Variants in NSG2 observed in about 807,000 individuals in gnomAD.
The protein encoded by NSG2 is neuronal vesicle trafficking associated 2.
In NSG2, 4 loss-of-function variants were observed where a neutral mutation model predicts 16.9. The ratio of observed to expected loss-of-function variants is 0.24; its 90% confidence interval spans 0.12 to 0.54. The LOEUF is 0.54. Among genes scored for constraint, NSG2 ranks in the 20% least tolerant of loss-of-function variants. The probability of loss-of-function intolerance (pLI) is 0.95; values close to 1 mark genes in which losing one functional copy is unlikely to be tolerated. For synonymous variants in NSG2, 98 were observed against 88.7 expected, an observed-to-expected ratio of 1.11 and a Z score of -0.59; for missense variants, 179 against 221.1, an observed-to-expected ratio of 0.81 and a Z score of 1.21.
intron 3 of NSG2, among the ~76,000 whole-genome samples, chr5:174,100,727 T>G (rs1162265621): frequency 2.6e-5 from 4 of 152,240 alleles, no homozygotes; most frequent in African/African-American, 9.6e-5. Flanking sequence ...TATTTGGGAT[T>G]TCTTAACTCA....
chr5:174,104,107 T>C (rs893571729), intron 3 of NSG2, 121 bp from the exon 4 acceptor site: 5 of 691,742 alleles, frequency 7.2e-6, no homozygotes, highest in African/African-American at 7.0e-5. Flanking sequence ...AGCCAGTTCC[T>C]TGGGCCTGTC....
intron 3 of NSG2, among the ~76,000 whole-genome samples, chr5:174,099,012 A>T (rs918887573): frequency 2.0e-5 from 3 of 152,162 alleles, no homozygotes; most frequent in East Asian, 3.9e-4. Flanking sequence ...TCCGGCTTTC[A>T]TGTTCAGAGG....
At chr5:174,091,665 G>A (rs1007363153) in intron 3 of NSG2, among the ~76,000 whole-genome samples, 5 of 151,608 alleles carry the variant, frequency 3.3e-5, no homozygotes, top group Non-Finnish European at 4.4e-5. Flanking sequence ...GTGTGTGTGT[G>A]TGTGTGTGTG....
At chr5:174,084,312 A>G (rs1004312823) in intron 3 of NSG2, among the ~76,000 whole-genome samples, 1 of 152,240 alleles carries the variant, frequency 6.6e-6, no homozygotes, top group Non-Finnish European at 1.5e-5. Flanking sequence ...GGAAAGTGTA[A>G]TAAAGATAAG....
chr5:174,050,062 A>G (rs1244420941), intron 2 of NSG2, among the ~76,000 whole-genome samples: 2 of 152,026 alleles, frequency 1.3e-5, no homozygotes, highest in Non-Finnish European at 1.5e-5. Context: ...TAGTGTATAG[A>G]ATGGGGACGC....
chr5:174,101,645 A>G (rs1760897868), intron 3 of NSG2, among the ~76,000 whole-genome samples: 1 of 152,250 alleles, frequency 6.6e-6, no homozygotes, highest in African/African-American at 2.4e-5. Flanking sequence ...TCATGGCTGA[A>G]TAACATTCCG....
intron 3 of NSG2, among the ~76,000 whole-genome samples, chr5:174,069,113 C>T (rs568912926): frequency 8.9e-4 from 124 of 140,038 alleles, no homozygotes; most frequent in Non-Finnish European, 1.4e-3. Context: ...GCTGATGTCA[C>T]GGTGACCCTG....
intron 3 of NSG2, among the ~76,000 whole-genome samples, chr5:174,064,647 A>G (rs1007697463): frequency 3.9e-5 from 6 of 152,064 alleles, no homozygotes; most frequent in Admixed American, 6.6e-5. Context: ...AAATGCAGTA[A>G]GTGACTCACA....
intron 3 of NSG2, among the ~76,000 whole-genome samples, chr5:174,095,890 G>A (rs757316743): frequency 6.6e-6 from 1 of 152,204 alleles, no homozygotes; most frequent in African/African-American, 2.4e-5. Context: ...ACACACTGTA[G>A]GTGCTCAGTT....
rs1333665593 is a variant in NSG2, at chr5:174,095,692, G to C, written c.214-8536G>C. Among the ~76,000 whole-genome samples, 4 of 152,076 alleles carry C rather than the reference G, an allele frequency of 2.6e-5. No homozygotes were observed. The East Asian group carries it at 7.7e-4, about 29-fold the overall frequency. ...ATTTGGATGTGGGCATGTATTTCAG[G>C]GGCCACCACTCGACCCACTTTCAGG... On this transcript the variant is annotated intron_variant, in intron 3 of 4. Coordinates refer to ENST00000303177, the MANE Select transcript of NSG2 (RefSeq NM_015980.5).
At chr5:174,105,382 A>G (rs1036325497) in intron 4 of NSG2, among the ~76,000 whole-genome samples, 6 of 152,152 alleles carry the variant, frequency 3.9e-5, no homozygotes, top group African/African-American at 9.7e-5. Context: ...ACAGCCAATG[A>G]CTGTTTATTT....
chr5:174,097,843 CTGTG>C (rs111292177), intron 3 of NSG2, among the ~76,000 whole-genome samples: 41 of 144,442 alleles, frequency 2.8e-4, no homozygotes, highest in African/African-American at 6.9e-4. Context: ...TTGTGTGTGT[CTGTG>C]TGTGTGTGTG....
intron 3 of NSG2, chr5:174,084,163 A>G (rs1760551549): frequency 6.6e-6 from 1 of 152,140 alleles, no homozygotes; most frequent in Admixed American, 6.5e-5. Context: ...TCTCATCTAT[A>G]AAATGGGAAT....
chr5:174,054,015 A>G (rs1199801324), intron 2 of NSG2, among the ~76,000 whole-genome samples: 3 of 152,224 alleles, frequency 2.0e-5, no homozygotes, highest in Non-Finnish European at 4.4e-5. Flanking sequence ...AGAACTGGGA[A>G]CAACTTGGAC....
chr5:174,103,028 A>C lies in NSG2; in HGVS notation c.214-1200A>C, dbSNP rs1760925515. 2.0e-5 allele frequency among the ~76,000 whole-genome samples: 3 copies of C among 146,384 alleles called. No individual in the cohort carries two copies. The Admixed American group carries it at 2.1e-4, about 10-fold the overall frequency. ...GGTCACGAACTCCTGACCTCAAGTG[A>C]TCTTCCTACCTCGGCCTCCCAAAGT... On this transcript the variant is annotated intron_variant, in intron 3 of 4. Coordinates refer to ENST00000303177, the MANE Select transcript of NSG2 (RefSeq NM_015980.5).
At position 174,108,036 on chromosome 5, in the gene NSG2, T is replaced by A. The variant is rs1216390532; in HGVS notation, c.*531T>A. The A allele has an allele frequency of 3.2e-6, 1 of 309,238 alleles. No individual in the cohort carries two copies. Among genetic ancestry groups the A allele is most frequent in the Non-Finnish European group, 6.2e-6 (1 of 160,290 alleles). The allele number at this position is 309,238 out of a possible 1,614,324, so 19.2% of individuals were successfully genotyped here. Reference sequence around the variant, plus strand: ...GGGTAGGCCCGCAGGAAATGAGGAATGGCCGAGCTGGAGAGAAGAGCTGAT... The same window carrying A: ...GGGTAGGCCCGCAGGAAATGAGGAAAGGCCGAGCTGGAGAGAAGAGCTGAT... On this transcript the variant is annotated 3_prime_UTR_variant, in exon 5 of 5. Transcript: ENST00000303177.
intron 3 of NSG2, among the ~76,000 whole-genome samples, chr5:174,091,996 G>T (rs868696093): frequency 6.6e-6 from 1 of 152,134 alleles, no homozygotes; most frequent in Non-Finnish European, 1.5e-5. Context: ...TGAGTTTCTT[G>T]CCCTCCTTTA....
At chr5:174,079,665 C>T (rs142108736) in intron 3 of NSG2, among the ~76,000 whole-genome samples, 40 of 152,264 alleles carry the variant, frequency 2.6e-4, no homozygotes, top group African/African-American at 7.9e-4. Context: ...ACCATTTGTT[C>T]CTTCCTCCTG....
At chr5:174,084,493 A>G (rs1314536915) in intron 3 of NSG2, among the ~76,000 whole-genome samples, 1 of 152,206 alleles carries the variant, frequency 6.6e-6, no homozygotes, top group East Asian at 1.9e-4. Flanking sequence ...GTGAATGTCA[A>G]ACTGGCTTTC....
Sources: gnomAD v4.1 joint callset for allele counts (sites outside exome capture counted in the v4.1 genomes callset) on GRCh38, gnomAD v4.1.1 for gene constraint, MANE v1.5 for transcripts, NCBI Gene and HGNC (gene_info 2026-07-23, HGNC 2026-07-21) for gene names.